MAML3: variants seen among roughly 807,000 people sequenced by gnomAD.
The protein encoded by MAML3 is mastermind like transcriptional coactivator 3, also known as mastermind-like protein 3.
In MAML3, 27 loss-of-function variants were observed where a neutral mutation model predicts 101.9. The ratio of observed to expected loss-of-function variants is 0.27; its 90% confidence interval spans 0.20 to 0.37. The LOEUF (loss-of-function observed/expected upper bound fraction) is 0.37, where lower values mean the gene tolerates loss of function less well. MAML3 is among the 10% of genes least tolerant of loss of function. MAML3 has a pLI of 1.00. For synonymous variants in MAML3, 501 were observed against 555.9 expected (o/e 0.90, Z 1.39); for missense variants, 1,316 against 1,444.9 (o/e 0.91, Z 1.45).
intron 1 of MAML3, among the ~76,000 whole-genome samples, chr4:140,114,610 A>G (rs999612503): frequency 1.1e-4 from 17 of 152,220 alleles, no homozygotes; most frequent in Non-Finnish European, 1.9e-4. Flanking sequence ...AGCCGGGTGT[A>G]TACACGTATG....
At position 139,729,350 on chromosome 4, in the gene MAML3, T is replaced by A. The variant is rs548723251; in HGVS notation, c.2331+1066A>T. Among the ~76,000 whole-genome samples the A allele has an allele frequency of 6.3e-3, 956 of 152,242 alleles. 6 individuals are homozygous for A. The highest frequency in any genetic ancestry group is 0.011 in the Non-Finnish European group (781 of 67,998). On this transcript the variant is annotated intron_variant, in intron 3 of 4. Coordinates refer to ENST00000509479, the MANE Select transcript of MAML3 (RefSeq NM_018717.5). ...TTTGCAAAATTCTGGCAGGGCGTGG[T>A]GGCTCACATCTGTAATCCTAGCACT...
chr4:140,062,534 G>C (rs1013651299), intron 1 of MAML3, among the ~76,000 whole-genome samples: 4 of 152,238 alleles, frequency 2.6e-5, no homozygotes, highest in African/African-American at 9.6e-5. Context: ...GCTGCGCTCT[G>C]AGAGTTTTCT....
chr4:139,920,331 C>T (rs1424642444), intron 1 of MAML3, among the ~76,000 whole-genome samples: 1 of 152,162 alleles, frequency 6.6e-6, no homozygotes, highest in African/African-American at 2.4e-5. Context: ...TAACCAAGGA[C>T]ACGTGCTTCT....
chr4:140,107,291 A>G (rs1196687646), intron 1 of MAML3, among the ~76,000 whole-genome samples: 1 of 152,200 alleles, frequency 6.6e-6, no homozygotes, highest in Non-Finnish European at 1.5e-5. Flanking sequence ...ATGAAAATAT[A>G]TTGGTCAGCG....
chr4:140,101,849 C>A (rs901045266), intron 1 of MAML3, among the ~76,000 whole-genome samples: 1 of 149,316 alleles, frequency 6.7e-6, no homozygotes, highest in Non-Finnish European at 1.5e-5. Flanking sequence ...GTCAGCTGAG[C>A]ATTTTTTTTT....
chr4:139,733,619 C>T (rs1349987760), intron 2 of MAML3, among the ~76,000 whole-genome samples: 5 of 151,494 alleles, frequency 3.3e-5, no homozygotes, highest in Non-Finnish European at 7.4e-5. Context: ...AAATAATTCC[C>T]TCCCAGAGGT....
intron 2 of MAML3, among the ~76,000 whole-genome samples, chr4:139,747,857 A>G (rs1384540885): frequency 6.6e-6 from 1 of 151,558 alleles, no homozygotes; most frequent in Non-Finnish European, 1.5e-5. Context: ...AGTTCGACAC[A>G]AGCCTGATCG....
chr4:139,734,160 G>A (rs967376587), intron 2 of MAML3, among the ~76,000 whole-genome samples: 1 of 152,154 alleles, frequency 6.6e-6, no homozygotes, highest in Admixed American at 6.5e-5. Context: ...TAAGCTGGCC[G>A]AGGCCACTAA....
At chr4:140,059,624 C>T (rs1727410109) in intron 1 of MAML3, among the ~76,000 whole-genome samples, 1 of 152,044 alleles carries the variant, frequency 6.6e-6, no homozygotes, top group Admixed American at 6.6e-5. Flanking sequence ...AAGGAATTAC[C>T]ACATCTAGGC....
At chr4:139,766,316 C>G (rs888750065) in intron 2 of MAML3, among the ~76,000 whole-genome samples, 1 of 152,126 alleles carries the variant, frequency 6.6e-6, no homozygotes, top group Non-Finnish European at 1.5e-5. Context: ...GGATTACAGG[C>G]GCCCACCACC....
chr4:140,092,076 G>GTA lies in MAML3; in HGVS notation c.468+60782_468+60783dup, dbSNP rs367672054. On this transcript the variant is annotated intron_variant, in intron 1 of 4. Transcript: ENST00000509479. ...AGATAAAAACTTTATATATATATACGTATATATATACGTATATATATATAT... is the reference window on the plus strand; with the variant it reads ...AGATAAAAACTTTATATATATATACGTATATATATATACGTATATATATATAT... Among the ~76,000 whole-genome samples, 283 of 63,854 alleles carry GTA rather than the reference G, an allele frequency of 4.4e-3. 2 individuals are homozygous for GTA. The highest frequency in any genetic ancestry group is 0.01 in the African/African-American group (265 of 25,492). 41.9% of individuals were successfully genotyped at this position (63,854 alleles called of 152,430 possible).
intron 2 of MAML3, among the ~76,000 whole-genome samples, chr4:139,846,636 C>T (rs1161355614): frequency 2.0e-5 from 3 of 152,204 alleles, no homozygotes; most frequent in Non-Finnish European, 2.9e-5. Flanking sequence ...ACGTGAGCCA[C>T]CATGCCCAGA....
rs140956215 is a variant in MAML3 at position 139,815,130 on chromosome 4, T to C, written c.2079+74227A>G. Reference sequence around the variant, plus strand: ...CTATGCAAAAGGCAGACTAGGAAGCTAGAAAGCCCGACTTATGAATAAAAG... The same window carrying C: ...CTATGCAAAAGGCAGACTAGGAAGCCAGAAAGCCCGACTTATGAATAAAAG... On this transcript the variant is annotated intron_variant, in intron 2 of 4. Transcript: ENST00000509479. Among the ~76,000 whole-genome samples, 216 of 152,312 alleles carry C rather than the reference T, an allele frequency of 1.4e-3. 3 individuals carry two copies. Among genetic ancestry groups the C allele is most frequent in the Admixed American group, 4.2e-3 (65 of 15,304 alleles).
chr4:139,722,298 A>G (rs933580862), intron 4 of MAML3, among the ~76,000 whole-genome samples: 2 of 152,186 alleles, frequency 1.3e-5, no homozygotes, highest in African/African-American at 4.8e-5. Flanking sequence ...AAAATCAGCA[A>G]TTGCCACATT....
rs144034810 is a variant in MAML3 at position 139,756,157 on chromosome 4, C to T, written c.2080-25490G>A. Reference sequence around the variant, plus strand: ...AGAACAGCAAAGCATGTAGGTTGTCCGGGGAAGAATGCTACTTTGAACCTT... The same window carrying T: ...AGAACAGCAAAGCATGTAGGTTGTCTGGGGAAGAATGCTACTTTGAACCTT... On this transcript the variant is annotated intron_variant, in intron 2 of 4. Coordinates refer to ENST00000509479, the MANE Select transcript of MAML3 (RefSeq NM_018717.5). Among the ~76,000 whole-genome samples the T allele has an allele frequency of 2.6e-5, 4 of 152,210 alleles. No homozygotes were observed. The East Asian group carries it at 7.7e-4, about 29-fold the overall frequency.
At chr4:139,980,877 T>C (rs1280212893) in intron 1 of MAML3, among the ~76,000 whole-genome samples, 1 of 152,206 alleles carries the variant, frequency 6.6e-6, no homozygotes, top group East Asian at 1.9e-4. Context: ...AATAAGCTAC[T>C]GCGGTAGAGA....
In MAML3 at chr4:139,942,211, A is replaced by AGGT. The variant is rs879494193; in HGVS notation, c.469-51245_469-51244insACC. ...GCAGGCAGGCAGGCAGGCAGGCAGG[A>AGGT]AGGAAGACATCCTTTAATACCAGAA... On this transcript the variant is annotated intron_variant, in intron 1 of 4. Coordinates refer to ENST00000509479, the MANE Select transcript of MAML3 (RefSeq NM_018717.5). Among the ~76,000 whole-genome samples the AGGT allele has an allele frequency of 3.4e-5, 5 of 148,898 alleles. No homozygotes were observed. In the East Asian group the frequency reaches 7.9e-4, roughly 23 times the overall value.
intron 1 of MAML3, among the ~76,000 whole-genome samples, chr4:139,894,769 G>A (rs1732576905): frequency 6.6e-6 from 1 of 152,070 alleles, no homozygotes; most frequent in Admixed American, 6.5e-5. Flanking sequence ...CACAGAAACT[G>A]CTAGAAAATG....
chr4:139,795,639 G>A (rs1461847150), intron 2 of MAML3, among the ~76,000 whole-genome samples: 1 of 152,204 alleles, frequency 6.6e-6, no homozygotes, highest in Admixed American at 6.5e-5. Flanking sequence ...AACACTGGCA[G>A]ACATTCTTGG....
Sources: allele counts gnomAD v4.1 joint callset (sites outside exome capture counted in the v4.1 genomes callset), GRCh38; gene constraint gnomAD v4.1.1; transcripts MANE v1.5; gene names NCBI Gene and HGNC (gene_info 2026-07-23, HGNC 2026-07-21).